The following TULP1 variants were observed in gnomAD, a reference collection of about 807,000 sequenced individuals.
The protein encoded by TULP1 is TUB like protein 1.
A neutral mutation model predicts 67.1 loss-of-function variants in TULP1; 50 were observed. The observed-to-expected ratio is 0.75, with a 90% confidence interval of 0.59 to 0.94. The LOEUF is 0.94. TULP1 is among the 40% of genes least tolerant of loss of function. The probability of loss-of-function intolerance (pLI) is 0.00; values close to 1 mark genes in which losing one functional copy is unlikely to be tolerated. For missense variants in TULP1, 746 were observed against 734.1 expected (o/e 1.02, Z -0.19); for synonymous variants, 297 against 294.0 (o/e 1.01, Z -0.11).
rs1581734295 is a variant in TULP1 at position 35,498,046 on chromosome 6, G to A, written c.*281C>T. The A allele has an allele frequency of 1.7e-6, 1 of 579,236 alleles. No individual in the cohort carries two copies. Among genetic ancestry groups the A allele is most frequent in the East Asian group, 2.9e-5 (1 of 34,568 alleles). The allele number at this position is 579,236 out of a possible 1,614,324, so 35.9% of individuals were successfully genotyped here. A position where few individuals can be genotyped will look rare whatever the true frequency, so the allele number is the denominator to read the frequency against. Reference sequence around the variant, plus strand: ...CCCGGACAGGAAGTGACTGGGGCGCGGGGAGGAGGGGGGCACAGCGGCGCA... The same window carrying A: ...CCCGGACAGGAAGTGACTGGGGCGCAGGGAGGAGGGGGGCACAGCGGCGCA... On this transcript the variant is annotated 3_prime_UTR_variant, in exon 15 of 15. Coordinates refer to ENST00000229771, the MANE Select transcript of TULP1 (RefSeq NM_003322.6). This position sits in a 1 kb window ranked among gnomAD's most constrained non-coding sequence, Gnocchi z 6.7.
Position 35,500,044 on chromosome 6 carries a change from T to G in TULP1, c.1432A>C (p.Asn478His). The change falls in exon 14 of 15, where the codon AAC (asparagine) becomes CAC (histidine). Residue 478 changes from asparagine (N) to histidine (H), a missense_variant. By Grantham distance (68) the Asn-to-His change is moderately conservative. Around this residue, in one of 3 missense-constraint regions of TULP1, gnomAD observed 383 missense variants for 374.1 expected, o/e 1.02. Coordinates refer to ENST00000229771, the MANE Select transcript of TULP1 (RefSeq NM_003322.6). ...GCCTGGGTGACCCGGCCTTGGAAGT[T>G]GAGGGTGTAGGAGCCACTGTCATCG... ...WNDDSGSYTL[N>H]FQGRVTQASV... 1.9e-6 allele frequency: 3 copies of G among 1,613,970 alleles called. No homozygotes were observed. The highest frequency in any genetic ancestry group is 2.5e-6 in the Non-Finnish European group (3 of 1,179,988).
chr6:35,509,682 A>G lies in TULP1; in HGVS notation c.670T>C (p.Phe224Leu). 6.2e-7 allele frequency: 1 copy of G among 1,613,952 alleles called. No homozygotes were observed. The highest frequency in any genetic ancestry group is 8.5e-7 in the Non-Finnish European group (1 of 1,179,988). ...TCAGGACTGCCTTCCCCAACCAGAA[A>G]CATGGCTGCTGGGCTCTTCCTCGCA... is the stretch of plus-strand genomic sequence containing the variant. ...ASARKSPAAMFLVGEGSPDKK... is the reference protein window; with the variant it reads ...ASARKSPAAMLLVGEGSPDKK... Residue 224 changes from phenylalanine to leucine, a missense_variant, in exon 7 of 15, where the codon TTT becomes CTT. By Grantham distance (22) the Phe-to-Leu change is conservative. Transcript: ENST00000229771.
rs1486369679 is a variant in TULP1, at chr6:35,503,501, A to G, written c.1323+58T>C. ...AGGGAGTTGGCTATTTCCTAAGCTGAGCCCCGACTCCTGTTTCTCACATAG... is the reference window on the plus strand; with the variant it reads ...AGGGAGTTGGCTATTTCCTAAGCTGGGCCCCGACTCCTGTTTCTCACATAG... On this transcript the variant is annotated intron_variant, in intron 13 of 14. Coordinates refer to ENST00000229771, the MANE Select transcript of TULP1 (RefSeq NM_003322.6). The surrounding 1 kb of genome is among the most constrained non-coding windows in gnomAD (Gnocchi z 4.0). 3 of 1,515,720 alleles carry G rather than the reference A, an allele frequency of 2.0e-6. No homozygotes were observed. Among genetic ancestry groups the G allele is most frequent in the East Asian group, 4.9e-5 (2 of 40,764 alleles). The allele number at this position is 1,515,720 out of a possible 1,614,324, so 93.9% of individuals were successfully genotyped here. A position where few individuals can be genotyped will look rare whatever the true frequency, so the allele number is the denominator to read the frequency against.
intron 11 of TULP1, among the ~76,000 whole-genome samples, chr6:35,504,656 G>C (rs1291985351): frequency 3.9e-5 from 6 of 151,938 alleles, no homozygotes; most frequent in Non-Finnish European, 8.8e-5. Context: ...CGCCTCCCGG[G>C]TTCACGCCAT....
chr6:35,511,535 G>A, intron 4 of TULP1, 113 bp downstream of exon 4: 1 of 1,486,688 alleles, frequency 6.7e-7, no homozygotes, highest in South Asian at 1.2e-5. Flanking sequence ...AGAAAAGTGG[G>A]GGCTATTTGA....
rs369984951 is a variant in TULP1 at position 35,498,375 on chromosome 6, G to A, written c.1581C>T (p.Ala527=). 1 of 1,613,584 alleles carries A rather than the reference G, an allele frequency of 6.2e-7. No individual in the cohort carries two copies. Among genetic ancestry groups the A allele is most frequent in the African/African-American group, 1.3e-5 (1 of 74,942 alleles). ...CGAAACTGGAGAGGGCGATGGCGAA[G>A]GCCTGCAGGGCGCACAGCGGGTACC... ...DYRYPLCALQ[A]FAIALSSFDG... The change falls in exon 15 of 15, where the codon GCC becomes GCT. Residue 527 remains alanine (A), a synonymous_variant. Coordinates refer to ENST00000229771, the MANE Select transcript of TULP1 (RefSeq NM_003322.6). The surrounding 1 kb of genome is among the most constrained non-coding windows in gnomAD (Gnocchi z 6.7).
At chr6:35,506,226 C>G (rs1414813659) in intron 9 of TULP1, 48 bp downstream of exon 9, 4 of 1,608,486 alleles carry the variant, frequency 2.5e-6, no homozygotes, top group Non-Finnish European at 3.4e-6. Flanking sequence ...CCCCCGCTCC[C>G]AGCAGGTCCC....
intron 3 of TULP1, 73 bp from the exon 4 acceptor site, chr6:35,511,879 C>T (rs1226511186): frequency 9.7e-6 from 14 of 1,449,836 alleles, no homozygotes; most frequent in Non-Finnish European, 1.1e-5. Flanking sequence ...CCCGCTACCC[C>T]CAAGCCTGGG....
rs117623461 is a variant in TULP1 at position 35,507,716 on chromosome 6, T to G, written c.823-1437A>C. Among the ~76,000 whole-genome samples, 93 of 152,324 alleles carry G rather than the reference T, an allele frequency of 6.1e-4. No individual in the cohort carries two copies. The East Asian group carries it at 0.014, about 22-fold the overall frequency. On this transcript the variant is annotated intron_variant, in intron 8 of 14. Coordinates refer to ENST00000229771, the MANE Select transcript of TULP1 (RefSeq NM_003322.6). ...CCAACTTTTCCAACAGAGGCAAGCATGGACTGCCAGCCTGGGTGTGTGCAT... is the reference window on the plus strand; with the variant it reads ...CCAACTTTTCCAACAGAGGCAAGCAGGGACTGCCAGCCTGGGTGTGTGCAT...
Position 35,512,696 on chromosome 6 carries a change from G to T in TULP1, c.48-6C>A. 6.2e-7 allele frequency: 1 copy of T among 1,613,930 alleles called. No homozygotes were observed. The highest frequency in any genetic ancestry group is 8.5e-7 in the Non-Finnish European group (1 of 1,179,978). ...GGCTTTCTTCTTCATGCCCACTGAG[G>T]GTAGCAAAGGGATCAGCCTGTCTCC... is the stretch of plus-strand genomic sequence containing the variant. On this transcript the variant is annotated splice_region_variant and splice_polypyrimidine_tract_variant and intron_variant, in intron 1 of 14. Coordinates refer to ENST00000229771, the MANE Select transcript of TULP1 (RefSeq NM_003322.6).
chr6:35,511,439 C>T (rs1318672297), intron 4 of TULP1, among the ~76,000 whole-genome samples: 1 of 152,186 alleles, frequency 6.6e-6, no homozygotes, highest in Admixed American at 6.5e-5. Context: ...GACTCAGTTT[C>T]TCCATCTGTA....
chr6:35,508,796 G>A (rs371528150), intron 8 of TULP1, among the ~76,000 whole-genome samples: 8 of 152,250 alleles, frequency 5.3e-5, no homozygotes, highest in East Asian at 3.9e-4. Context: ...GAGTGAAAGC[G>A]CCTGGGGAGC....
chr6:35,508,176 A>G lies in TULP1; in HGVS notation c.822+1033T>C, dbSNP rs78055093. Among the ~76,000 whole-genome samples the G allele has an allele frequency of 1.8e-4, 27 of 152,326 alleles. No individual in the cohort carries two copies. The East Asian group carries it at 4.6e-3, about 26-fold the overall frequency. On this transcript the variant is annotated intron_variant, in intron 8 of 14. Coordinates refer to ENST00000229771, the MANE Select transcript of TULP1 (RefSeq NM_003322.6). ...GTGTGTTTGAGGGAGGCTGATGTAG[A>G]GCAGTGAACCCTCAGCTCAGGGACA...
At chr6:35,501,529 A>AAAT (rs57326453) in intron 13 of TULP1, among the ~76,000 whole-genome samples, 2 of 148,174 alleles carry the variant, frequency 1.3e-5, no homozygotes, top group African/African-American at 2.6e-5. Context: ...AAAAAAAAAA[A>AAAT]GGCTGGGCAC....
chr6:35,512,864 C>G lies in TULP1; in HGVS notation c.-6G>C. ...GTTTCATCCCGCAGAGGCATGGTGC[C>G]TTTGCCTATCGCACCCCTTTCTCTG... On this transcript the variant is annotated 5_prime_UTR_variant, in exon 1 of 15. Coordinates refer to ENST00000229771, the MANE Select transcript of TULP1 (RefSeq NM_003322.6). 6.2e-7 allele frequency: 1 copy of G among 1,612,502 alleles called. No homozygotes were observed. The highest frequency in any genetic ancestry group is 8.5e-7 in the Non-Finnish European group (1 of 1,180,010).
Position 35,503,319 on chromosome 6 carries a change from T to G in TULP1, c.1323+240A>C, listed in dbSNP as rs1472004214. On this transcript the variant is annotated intron_variant, in intron 13 of 14. Coordinates refer to ENST00000229771, the MANE Select transcript of TULP1 (RefSeq NM_003322.6). This position sits in a 1 kb window ranked among gnomAD's most constrained non-coding sequence, Gnocchi z 4.0. The stretch of plus-strand genomic sequence containing the variant: ...CTTGGCACTCAATATGTGTGGTCAA[T>G]GAAGATATGAATGGATGTAATATAT... 9 of 533,364 alleles carry G rather than the reference T, an allele frequency of 1.7e-5. No individual in the cohort carries two copies. The African/African-American group carries it at 1.7e-4, about 10-fold the overall frequency. The allele number at this position is 533,364 out of a possible 1,614,324, so 33.0% of individuals were successfully genotyped here.
At position 35,503,715 on chromosome 6, in the gene TULP1, G is replaced by A. The variant is rs1309387946; in HGVS notation, c.1224+22C>T. 2 of 1,608,106 alleles carry A rather than the reference G, an allele frequency of 1.2e-6. No homozygotes were observed. The highest frequency in any genetic ancestry group is 1.7e-6 in the Non-Finnish European group (2 of 1,177,252). On this transcript the variant is annotated intron_variant, in intron 12 of 14. Coordinates refer to ENST00000229771, the MANE Select transcript of TULP1 (RefSeq NM_003322.6). This position sits in a 1 kb window ranked among gnomAD's most constrained non-coding sequence, Gnocchi z 4.0. ...CCCTGTAAGGGGAGCAGCCTGGCATGGGGGACAGGTGGAGTCCTCACATAG... is the reference window on the plus strand; with the variant it reads ...CCCTGTAAGGGGAGCAGCCTGGCATAGGGGACAGGTGGAGTCCTCACATAG...
rs755411866 is a variant in TULP1 at position 35,511,019 on chromosome 6, A to G, written c.350-9T>C. ...CTCTTCCTCCTCCTCCTCTGCAGGT[A>G]GAAACTCTTCATAATGGGGGTTTGA... is the stretch of plus-strand genomic sequence containing the variant. On this transcript the variant is annotated splice_polypyrimidine_tract_variant and intron_variant, in intron 4 of 14. Coordinates refer to ENST00000229771, the MANE Select transcript of TULP1 (RefSeq NM_003322.6). 7 of 1,603,764 alleles carry G rather than the reference A, an allele frequency of 4.4e-6. No homozygotes were observed. The South Asian group carries it at 6.6e-5, about 15-fold the overall frequency.
chr6:35,510,395 C>T (rs1761172190), intron 5 of TULP1, among the ~76,000 whole-genome samples: 1 of 152,180 alleles, frequency 6.6e-6, no homozygotes, highest in South Asian at 2.1e-4. Context: ...TCTCTGGTCA[C>T]CACTACAGAG....
Sources: allele counts gnomAD v4.1 joint callset (sites outside exome capture counted in the v4.1 genomes callset), GRCh38; gene constraint gnomAD v4.1.1; regional missense constraint gnomAD v4.1.1; non-coding constraint Gnocchi (gnomAD v3.1); transcripts MANE v1.5; gene names NCBI Gene and HGNC (gene_info 2026-07-23, HGNC 2026-07-21).